IPP: variants seen among roughly 807,000 people sequenced by gnomAD.
The protein encoded by IPP is actin-binding protein IPP.
A neutral mutation model predicts 64.1 loss-of-function variants in IPP; 41 were observed. The ratio of observed to expected loss-of-function variants is 0.64; its 90% CI spans 0.50 to 0.83. IPP has a LOEUF of 0.83. Among genes scored for constraint, IPP ranks in the 40% least tolerant of loss-of-function variants. The pLI, the probability that IPP is intolerant of heterozygous loss-of-function variation, is 0.00. For missense variants in IPP, 649 were observed against 703.0 expected (o/e 0.92, Z 0.87); for synonymous variants, 214 against 235.2 (o/e 0.91, Z 0.83).
At chr1:45,741,375 A>G (rs753372617) in intron 2 of IPP, 43 bp from the exon 3 acceptor site, 13 of 1,319,270 alleles carry the variant, frequency 9.9e-6, no homozygotes, top group Non-Finnish European at 1.3e-5. Context: ...AATAAAAACA[A>G]ACATTGGCTT....
chr1:45,740,318 G>A (rs1305023541), intron 3 of IPP, among the ~76,000 whole-genome samples: 2 of 152,236 alleles, frequency 1.3e-5, no homozygotes, highest in Non-Finnish European at 1.5e-5. Context: ...ATCATGGCCC[G>A]TTCTCAATGA....
chr1:45,706,699 C>T (rs761867112), intron 8 of IPP, among the ~76,000 whole-genome samples: 1 of 152,214 alleles, frequency 6.6e-6, no homozygotes, highest in Non-Finnish European at 1.5e-5. Context: ...ATCCACCCAT[C>T]TTGGCCTCCC....
intron 3 of IPP, among the ~76,000 whole-genome samples, chr1:45,733,727 G>A (rs1446367539): frequency 6.6e-6 from 1 of 151,720 alleles, no homozygotes; most frequent in Non-Finnish European, 1.5e-5. Flanking sequence ...AGCTACTCGG[G>A]AGGCTGAGGC....
At chr1:45,708,815 T>C (rs1292965009) in intron 8 of IPP, among the ~76,000 whole-genome samples, 1 of 150,584 alleles carries the variant, frequency 6.6e-6, no homozygotes, top group Non-Finnish European at 1.5e-5. Flanking sequence ...GTAGATCACC[T>C]GAAGCCAGTA....
chr1:45,722,558 AT>A lies in IPP; in HGVS notation c.1049-3219del, dbSNP rs1278642896. On this transcript the variant is annotated intron_variant, in intron 5 of 8. Transcript: ENST00000396478. ...AGACTCCATCTCAAAAAATAAAAAA[AT>A]GAAATAAAAATAAATATTTTATGTA... Among the ~76,000 whole-genome samples, 82 of 121,504 alleles carry A rather than the reference AT, an allele frequency of 6.7e-4. 1 individual carries two copies. Among genetic ancestry groups the A allele is most frequent in the Non-Finnish European group, 2.6e-4 (14 of 54,418 alleles). The allele number at this position is 121,504 out of a possible 152,430, so 79.7% of individuals were successfully genotyped here.
Position 45,746,291 on chromosome 1 carries a change from G to A in IPP, c.121C>T (p.Leu41=), listed in dbSNP as rs776268083. ...RNGQHFCDVQ[L]QVGQESFKAH... ...TTAAAACTTTCCTGTCCAACTTGCA[G>A]CTGCACATCACAGAAATGCTGTCCA... Residue 41 remains leucine, a synonymous_variant, in exon 2 of 9, where the codon CTG becomes TTG. Coordinates refer to ENST00000396478, the MANE Select transcript of IPP (RefSeq NM_005897.3). 5.6e-6 allele frequency: 9 copies of A among 1,614,060 alleles called. No homozygotes were observed. The South Asian group carries it at 9.9e-5, about 18-fold the overall frequency.
At chr1:45,709,596 A>G (rs75292965) in intron 8 of IPP, among the ~76,000 whole-genome samples, 9 of 148,616 alleles carry the variant, frequency 6.1e-5, no homozygotes, top group East Asian at 4.2e-4. Flanking sequence ...TGTAATCCCA[A>G]CACTTTGGGA....
chr1:45,711,235 G>A (rs551481052), intron 8 of IPP, among the ~76,000 whole-genome samples: 1 of 151,550 alleles, frequency 6.6e-6, no homozygotes, highest in Non-Finnish European at 1.5e-5. Context: ...CCAGCTACTC[G>A]GGAGGCTGAG....
At chr1:45,747,161 TA>T (rs1646149090) in intron 1 of IPP, among the ~76,000 whole-genome samples, 1 of 151,966 alleles carries the variant, frequency 6.6e-6, no homozygotes, top group Non-Finnish European at 1.5e-5. Context: ...CACAGCCCTT[TA>T]AAGGCAGGTA....
intron 6 of IPP, 83 bp downstream of exon 6, chr1:45,719,120 T>C: frequency 7.7e-7 from 1 of 1,306,472 alleles, no homozygotes; most frequent in Non-Finnish European, 1.1e-6. Context: ...CATAAATATA[T>C]ATACCTATTA....
At chr1:45,728,134 G>A (rs1645857338) in intron 4 of IPP, among the ~76,000 whole-genome samples, 3 of 146,476 alleles carry the variant, frequency 2.0e-5, no homozygotes, top group South Asian at 4.3e-4. Context: ...AGCTGTGTGT[G>A]TGTGTGTGTG....
chr1:45,700,305 T>A, intron 8 of IPP, 115 bp from the exon 9 acceptor site: 2 of 1,376,766 alleles, frequency 1.5e-6, no homozygotes, highest in Non-Finnish European at 9.6e-7. Flanking sequence ...TAAAACTATC[T>A]AGTCAGGTAA....
chr1:45,733,195 G>C (rs1396687142), intron 3 of IPP, among the ~76,000 whole-genome samples: 1 of 151,828 alleles, frequency 6.6e-6, no homozygotes, highest in Non-Finnish European at 1.5e-5. Flanking sequence ...GGGAGGCCGA[G>C]GTGGGCAGAT....
intron 5 of IPP, 41 bp downstream of exon 5, chr1:45,727,590 C>A: frequency 7.6e-7 from 1 of 1,315,082 alleles, no homozygotes; most frequent in Admixed American, 2.0e-5. Flanking sequence ...AGAATATAGC[C>A]AACAAGACTA....
At chr1:45,719,082 G>A (rs1236198878) in intron 6 of IPP, 121 bp downstream of exon 6, 10 of 812,878 alleles carry the variant, frequency 1.2e-5, no homozygotes, top group Admixed American at 1.0e-4. Context: ...TGATTATTAC[G>A]CATTATGTGC....
chr1:45,725,265 C>T (rs1400762225), intron 5 of IPP, among the ~76,000 whole-genome samples: 13 of 132,352 alleles, frequency 9.8e-5, no homozygotes, highest in African/African-American at 2.0e-4. Context: ...TGAGGGGCGC[C>T]TCTGCCCGGC....
intron 5 of IPP, among the ~76,000 whole-genome samples, chr1:45,720,767 A>G (rs1164906699): frequency 6.6e-6 from 1 of 152,244 alleles, no homozygotes; most frequent in Non-Finnish European, 1.5e-5. Context: ...ACAATCTTTC[A>G]TGCTAGAATA....
Position 45,738,850 on chromosome 1 carries a change from A to AAAACAAAAAAAAC in IPP, c.724+2050_724+2051insGTTTTTTTTGTTT, listed in dbSNP as rs1553193315. ...GCAAGACTCCATCTCAAAAAAAAAA[A>AAAACAAAAAAAAC]AAAAAAAAAAAAAAACAAGAAAAAA... On this transcript the variant is annotated intron_variant, in intron 3 of 8. Transcript: ENST00000396478. Among the ~76,000 whole-genome samples the AAAACAAAAAAAAC allele has an allele frequency of 3.7e-3, 510 of 139,178 alleles. 8 individuals are homozygous for AAAACAAAAAAAAC. The highest frequency in any genetic ancestry group is 0.013 in the African/African-American group (468 of 37,338). The allele number at this position is 139,178 out of a possible 152,430, so 91.3% of individuals were successfully genotyped here. A position where few individuals can be genotyped will look rare whatever the true frequency, so the allele number is the denominator to read the frequency against.
At chr1:45,703,942 A>G (rs1375263281) in intron 8 of IPP, among the ~76,000 whole-genome samples, 2 of 152,356 alleles carry the variant, frequency 1.3e-5, no homozygotes, top group East Asian at 3.9e-4. Context: ...TTACATACTA[A>G]GAAGTCTGTA....
Sources: gnomAD v4.1 joint callset for allele counts (sites outside exome capture counted in the v4.1 genomes callset) on GRCh38, gnomAD v4.1.1 for gene constraint, MANE v1.5 for transcripts, NCBI Gene and HGNC (gene_info 2026-07-23, HGNC 2026-07-21) for gene names.